The following IQGAP2 variants were observed in gnomAD, a reference collection of about 807,000 sequenced individuals.
IQGAP2 encodes the protein IQ motif containing GTPase activating protein 2.
A neutral mutation model predicts 201.3 loss-of-function variants in IQGAP2; 173 were observed. The ratio of observed to expected loss-of-function variants is 0.86; its 90% CI spans 0.76 to 0.98. IQGAP2 has a LOEUF of 0.98. Among genes scored for constraint, IQGAP2 ranks in the 50% least tolerant of loss-of-function variants. IQGAP2 has a pLI of 0.00. For missense variants in IQGAP2, 1,687 were observed against 1,864.8 expected (o/e 0.90, Z 1.76); for synonymous variants, 675 against 673.9 (o/e 1.00, Z -0.03).
rs528236187 is a variant in IQGAP2, at chr5:76,604,885, G to A, written c.1233-1294G>A. Reference sequence around the variant, plus strand: ...CAAGCTACTCTCTATGGAAGACACCGCATGTCACCTTGAAGCATGCAGAAT... The same window carrying A: ...CAAGCTACTCTCTATGGAAGACACCACATGTCACCTTGAAGCATGCAGAAT... On this transcript the variant is annotated intron_variant, in intron 11 of 35. Transcript: ENST00000274364. 2.0e-4 allele frequency among the ~76,000 whole-genome samples: 30 copies of A among 152,230 alleles called. 1 individual carries two copies. Among genetic ancestry groups the A allele is most frequent in the Non-Finnish European group, 4.1e-4 (28 of 68,014 alleles).
intron 33 of IQGAP2, chr5:76,699,338 A>G (rs1747050424): frequency 6.6e-6 from 1 of 152,188 alleles, no homozygotes; most frequent in Non-Finnish European, 1.5e-5. Flanking sequence ...GTGTGTATAT[A>G]TACCACATTT....
At chr5:76,671,515 C>A (rs1325849883) in intron 23 of IQGAP2, among the ~76,000 whole-genome samples, 1 of 151,844 alleles carries the variant, frequency 6.6e-6, no homozygotes, top group Non-Finnish European at 1.5e-5. Context: ...GAAACCCCGT[C>A]TCTACTAAAA....
intron 2 of IQGAP2, among the ~76,000 whole-genome samples, chr5:76,508,723 G>A (rs1051870044): frequency 1.1e-4 from 16 of 150,084 alleles, no homozygotes; most frequent in South Asian, 4.2e-4. Flanking sequence ...TAAAGATCAC[G>A]TGAGAGGCAT....
intron 18 of IQGAP2, among the ~76,000 whole-genome samples, chr5:76,653,511 C>T (rs1752677008): frequency 6.6e-6 from 1 of 152,176 alleles, no homozygotes; most frequent in South Asian, 2.1e-4. Context: ...AATCTCAGCA[C>T]TTTGGGAGGC....
chr5:76,575,350 A>G (rs775212544), intron 4 of IQGAP2, among the ~76,000 whole-genome samples: 4 of 152,218 alleles, frequency 2.6e-5, no homozygotes. Context: ...GACCTCTGGG[A>G]AGTCACAGGA....
intron 1 of IQGAP2, among the ~76,000 whole-genome samples, chr5:76,408,260 G>A (rs3886043): frequency 0.45 from 68,315 of 152,088 alleles, 15,856 homozygotes; most frequent in Admixed American, 0.5. Context: ...GATTTGATAG[G>A]GTCAGGTAAG....
intron 1 of IQGAP2, among the ~76,000 whole-genome samples, chr5:76,408,691 T>G (rs959460134): frequency 2.6e-5 from 4 of 152,106 alleles, no homozygotes; most frequent in African/African-American, 9.7e-5. Context: ...TTCCAGGCTG[T>G]AGTGTGCAAT....
chr5:76,580,462 A>C (rs1224198480), intron 5 of IQGAP2, among the ~76,000 whole-genome samples: 1 of 152,168 alleles, frequency 6.6e-6, no homozygotes, highest in African/African-American at 2.4e-5. Flanking sequence ...AACAAAACAA[A>C]CAAACAAAAA....
intron 5 of IQGAP2, among the ~76,000 whole-genome samples, chr5:76,578,242 A>T (rs546074116): frequency 6.6e-5 from 10 of 152,160 alleles, no homozygotes; most frequent in African/African-American, 2.4e-4. Context: ...CTCCATGAAC[A>T]TTACCACAGC....
At chr5:76,573,405 G>C (rs1745251668) in intron 4 of IQGAP2, among the ~76,000 whole-genome samples, 1 of 152,124 alleles carries the variant, frequency 6.6e-6, no homozygotes, top group South Asian at 2.1e-4. Flanking sequence ...CTTACTCTGT[G>C]CTCAGTATCA....
rs201385729 is a variant in IQGAP2 at position 76,668,769 on chromosome 5, A to G, written c.2768A>G (p.Tyr923Cys). Residue 923 changes from tyrosine to cysteine, a missense_variant, in exon 23 of 36, where the codon TAT becomes TGT. Coordinates refer to ENST00000274364, the MANE Select transcript of IQGAP2 (RefSeq NM_006633.5). ...ATGGATACTGTTATTTTCACACTAT[A>G]TAATTATGCCTCTAATCAGCGAGAA... ...KFMDTVIFTL[Y>C]NYASNQREEY... is the part of the protein sequence containing the mutation. The G allele has an allele frequency of 4.0e-5, 64 of 1,609,884 alleles. No homozygotes were observed. The South Asian group carries it at 5.1e-4, about 13-fold the overall frequency.
In IQGAP2 at chr5:76,593,028, C is replaced by T. The variant is rs78994099; in HGVS notation, c.907+103C>T. 7.5e-6 allele frequency: 6 copies of T among 796,878 alleles called. No individual in the cohort carries two copies. The African/African-American group carries it at 1.0e-4, about 14-fold the overall frequency. 49.4% of individuals were successfully genotyped at this position (796,878 alleles called of 1,614,324 possible). Reference sequence around the variant, plus strand: ...CTCAATTTGTATACTTGGAAAACTGCCTTATACAATGAAAAATCTACTCAG... The same window carrying T: ...CTCAATTTGTATACTTGGAAAACTGTCTTATACAATGAAAAATCTACTCAG... On this transcript the variant is annotated intron_variant, in intron 9 of 35. Transcript: ENST00000274364.
intron 32 of IQGAP2, 34 bp from the exon 33 acceptor site, chr5:76,697,953 G>C: frequency 1.3e-6 from 2 of 1,559,456 alleles, no homozygotes; most frequent in Non-Finnish European, 1.7e-6. Flanking sequence ...GCAAACTTCT[G>C]CTTAAATATG....
chr5:76,557,093 G>A (rs770810674), intron 2 of IQGAP2, among the ~76,000 whole-genome samples: 15 of 152,126 alleles, frequency 9.9e-5, no homozygotes, highest in Admixed American at 9.2e-4. Flanking sequence ...GAACTCTACC[G>A]CTACTCTGGA....
chr5:76,705,917 A>G (rs1747852144), intron 35 of IQGAP2, among the ~76,000 whole-genome samples: 1 of 152,226 alleles, frequency 6.6e-6, no homozygotes, highest in South Asian at 2.1e-4. Flanking sequence ...AGTTTCATGC[A>G]TATGGCTGGT....
At chr5:76,582,580 A>G (rs1745946360) in intron 5 of IQGAP2, among the ~76,000 whole-genome samples, 1 of 152,198 alleles carries the variant, frequency 6.6e-6, no homozygotes, top group Non-Finnish European at 1.5e-5. Context: ...ACATAATGTG[A>G]TCCAAGAAAG....
chr5:76,662,551 G>A (rs908403000), intron 21 of IQGAP2, among the ~76,000 whole-genome samples: 3 of 152,192 alleles, frequency 2.0e-5, no homozygotes, highest in Non-Finnish European at 2.9e-5. Flanking sequence ...CTTTCCTGTC[G>A]TATATTTAAA....
Position 76,461,705 on chromosome 5 carries a change from C to T in IQGAP2, c.146+36C>T, listed in dbSNP as rs184907568. 8.6e-4 allele frequency: 1,249 copies of T among 1,446,144 alleles called. 23 individuals carry two copies. The South Asian group carries it at 0.013, about 15-fold the overall frequency. 89.6% of individuals were successfully genotyped at this position (1,446,144 alleles called of 1,614,324 possible). ...GACTTAGTCTATTTGTGCACCATCT[C>T]TTGGAGATAAGCTTTGTGATAAGGG... On this transcript the variant is annotated intron_variant, in intron 2 of 35. Coordinates refer to ENST00000274364, the MANE Select transcript of IQGAP2 (RefSeq NM_006633.5).
intron 5 of IQGAP2, among the ~76,000 whole-genome samples, chr5:76,577,966 C>T (rs75629350): frequency 3.2e-4 from 49 of 152,252 alleles, no homozygotes; most frequent in African/African-American, 1.1e-3. Flanking sequence ...GCTTGCCAGG[C>T]GCTGCCTTCT....
Sources: allele counts gnomAD v4.1 joint callset (sites outside exome capture counted in the v4.1 genomes callset), GRCh38; gene constraint gnomAD v4.1.1; transcripts MANE v1.5; gene names NCBI Gene and HGNC (gene_info 2026-07-23, HGNC 2026-07-21).